Variants in EDNRA observed in about 807,000 individuals in gnomAD.
EDNRA encodes endothelin receptor type A, also known as endothelin-1 receptor.
In EDNRA, 11 loss-of-function variants were observed where a neutral mutation model predicts 41.4. The ratio of observed to expected loss-of-function variants is 0.27; its 90% CI spans 0.17 to 0.44. EDNRA has a LOEUF of 0.44. Among genes scored for constraint, EDNRA ranks in the 20% least tolerant of loss-of-function variants. EDNRA has a pLI of 1.00. For missense variants in EDNRA, 294 were observed against 531.0 expected (o/e 0.55, Z 4.39); for synonymous variants, 172 against 183.0 (o/e 0.94, Z 0.49).
intron 4 of EDNRA, 138 bp from the exon 5 acceptor site, chr4:147,535,739 C>A: frequency 9.4e-7 from 1 of 1,068,742 alleles, no homozygotes. Flanking sequence ...CACTCCCAAA[C>A]CCATCACTGC....
chr4:147,532,289 G>A (rs1360793978), intron 3 of EDNRA, among the ~76,000 whole-genome samples: 2 of 135,366 alleles, frequency 1.5e-5, no homozygotes, highest in African/African-American at 2.9e-5. Context: ...TGGTGCCACT[G>A]CACTCCAGTC....
chr4:147,509,263 T>C (rs528561072), intron 2 of EDNRA, among the ~76,000 whole-genome samples: 1 of 152,258 alleles, frequency 6.6e-6, no homozygotes, highest in South Asian at 2.1e-4. Flanking sequence ...TGGTGAAGAG[T>C]ACAATGACCT....
rs1258130495 is a variant in EDNRA at position 147,485,727 on chromosome 4, G to A, written c.46G>A (p.Gly16Arg). Residue 16 changes from glycine to arginine, a missense_variant, in exon 2 of 8, where the codon GGA becomes AGA. Physicochemically the swap from Gly to Arg is moderately radical, Grantham distance 125. Coordinates refer to ENST00000651419, the MANE Select transcript of EDNRA (RefSeq NM_001957.4). ...GGCATCCTTTTGGCTGGCACTGGTT[G>A]GATGTGTAATCAGTGATAATCCTGA... ...LRASFWLALV[G>R]CVISDNPERY... 6.2e-7 allele frequency: 1 copy of A among 1,613,708 alleles called. No individual in the cohort carries two copies. The highest frequency in any genetic ancestry group is 8.5e-7 in the Non-Finnish European group (1 of 1,179,766).
chr4:147,534,125 G>A (rs1274408836), intron 4 of EDNRA, among the ~76,000 whole-genome samples: 1 of 152,148 alleles, frequency 6.6e-6, no homozygotes, highest in Non-Finnish European at 1.5e-5. Context: ...CATGGAGGGG[G>A]CAGGGGACTC....
At chr4:147,525,756 A>G (rs879376053) in intron 3 of EDNRA, among the ~76,000 whole-genome samples, 1 of 152,218 alleles carries the variant, frequency 6.6e-6, no homozygotes, top group Non-Finnish European at 1.5e-5. Flanking sequence ...GAAGGCTATA[A>G]AAAGATAAAA....
At chr4:147,536,171 T>C (rs894332415) in intron 5 of EDNRA, 142 bp downstream of exon 5, 8 of 1,072,758 alleles carry the variant, frequency 7.5e-6, no homozygotes, top group Middle Eastern at 5.9e-4. Flanking sequence ...TTTATAGTAA[T>C]AGTGTTAGAA....
chr4:147,500,820 G>C (rs963712734), intron 2 of EDNRA, among the ~76,000 whole-genome samples: 1 of 151,988 alleles, frequency 6.6e-6, no homozygotes, highest in Non-Finnish European at 1.5e-5. Context: ...CCAGCACCCA[G>C]GTGACATTTC....
rs192165323 is a variant in EDNRA, at chr4:147,544,438, A to G, written c.*1820A>G. 9.2e-5 allele frequency: 14 copies of G among 152,802 alleles called. No individual in the cohort carries two copies. Among genetic ancestry groups the G allele is most frequent in the Admixed American group, 3.3e-4 (5 of 15,310 alleles). The allele number at this position is 152,802 out of a possible 1,614,324, so 9.5% of individuals were successfully genotyped here. On this transcript the variant is annotated 3_prime_UTR_variant, in exon 8 of 8. Transcript: ENST00000651419. ...TATCCTCAATTCAATGTGGTGATGA[A>G]ATTGCCAGGTTGTCTGATATTTCTT...
At chr4:147,522,049 A>C (rs1470940416) in intron 3 of EDNRA, among the ~76,000 whole-genome samples, 4 of 152,176 alleles carry the variant, frequency 2.6e-5, no homozygotes, top group Non-Finnish European at 5.9e-5. Context: ...AATACACAAG[A>C]ATGTATTAAT....
At chr4:147,488,516 C>A (rs1034240954) in intron 2 of EDNRA, 7 of 149,156 alleles carry the variant, frequency 4.7e-5, no homozygotes, top group African/African-American at 1.8e-4. Flanking sequence ...GGTAGGAGTA[C>A]ATTTGTGTAA....
At chr4:147,520,791 A>G (rs1730297929) in intron 3 of EDNRA, among the ~76,000 whole-genome samples, 1 of 152,226 alleles carries the variant, frequency 6.6e-6, no homozygotes, top group Non-Finnish European at 1.5e-5. Context: ...AGGGAACCTG[A>G]GTCTCATCAT....
intron 3 of EDNRA, among the ~76,000 whole-genome samples, chr4:147,526,140 G>A (rs950437985): frequency 5.3e-5 from 8 of 152,200 alleles, no homozygotes; most frequent in African/African-American, 1.9e-4. Context: ...TCTTATTTGG[G>A]AGTCTGTTCA....
intron 2 of EDNRA, chr4:147,488,025 T>C (rs1166053882): frequency 2.0e-5 from 3 of 152,248 alleles, no homozygotes; most frequent in African/African-American, 7.2e-5. Flanking sequence ...ATTCAAATTT[T>C]GACTCTTCAG....
chr4:147,543,433 TTCAA>T lies in EDNRA; in HGVS notation c.*819_*822del, dbSNP rs1213496001. On this transcript the variant is annotated 3_prime_UTR_variant, in exon 8 of 8. Transcript: ENST00000651419. ...TGTATGTTAAATTCAAAAGTAATGC[TTCAA>T]TCAGATAGTTCTTTTTCACAAGTTC... 10 of 152,226 alleles carry T rather than the reference TTCAA, an allele frequency of 6.6e-5. No homozygotes were observed. Among genetic ancestry groups the T allele is most frequent in the Admixed American group, 6.5e-4 (10 of 15,290 alleles). 9.4% of individuals were successfully genotyped at this position (152,226 alleles called of 1,614,324 possible).
intron 2 of EDNRA, among the ~76,000 whole-genome samples, chr4:147,513,639 G>T (rs1729999499): frequency 6.6e-6 from 1 of 152,128 alleles, no homozygotes; most frequent in African/African-American, 2.4e-5. Context: ...AAAAACCTCA[G>T]AACCTCAGTT....
intron 2 of EDNRA, among the ~76,000 whole-genome samples, chr4:147,508,837 T>G (rs919491913): frequency 6.6e-6 from 1 of 152,234 alleles, no homozygotes; most frequent in African/African-American, 2.4e-5. Flanking sequence ...CCATCCTGTC[T>G]TAATTACTGG....
At chr4:147,517,872 A>G (rs1000708319) in intron 2 of EDNRA, among the ~76,000 whole-genome samples, 3 of 152,210 alleles carry the variant, frequency 2.0e-5, no homozygotes, top group African/African-American at 7.2e-5. Context: ...GAGAGAATCC[A>G]TGTTCATTTG....
chr4:147,538,328 C>T (rs1262466880), intron 5 of EDNRA, among the ~76,000 whole-genome samples: 1 of 152,130 alleles, frequency 6.6e-6, no homozygotes, highest in Non-Finnish European at 1.5e-5. Context: ...TCCGGAAACC[C>T]ATGCAATGGT....
chr4:147,503,805 AC>A (rs1560900693), intron 2 of EDNRA, among the ~76,000 whole-genome samples: 1 of 152,164 alleles, frequency 6.6e-6, no homozygotes, highest in Non-Finnish European at 1.5e-5. Flanking sequence ...CATTGAGGAC[AC>A]CAAATTTTTC....
Sources: allele counts gnomAD v4.1 joint callset (sites outside exome capture counted in the v4.1 genomes callset), GRCh38; gene constraint gnomAD v4.1.1; transcripts MANE v1.5; gene names NCBI Gene and HGNC (gene_info 2026-07-23, HGNC 2026-07-21).